LRP1B: variants seen among roughly 807,000 people sequenced by gnomAD.
The protein encoded by LRP1B is LDL receptor related protein 1B.
In LRP1B, 217 loss-of-function variants were observed where a neutral mutation model predicts 556.6. That is an observed-to-expected ratio of 0.39 (90% CI 0.35 to 0.44). LRP1B has a LOEUF of 0.44. Among genes scored for constraint, LRP1B ranks in the 20% least tolerant of loss-of-function variants. The pLI is 1.00. For missense variants in LRP1B, 5,053 were observed against 5,620.8 expected (o/e 0.90, Z 3.23); for synonymous variants, 2,047 against 1,865.8 (o/e 1.10, Z -2.50).
intron 7 of LRP1B, among the ~76,000 whole-genome samples, chr2:141,159,838 C>A (rs180701354): frequency 6.6e-6 from 1 of 152,090 alleles, no homozygotes; most frequent in African/African-American, 2.4e-5. Context: ...TCATGTCCTT[C>A]GCAGGGACAT....
rs566773040 is a variant in LRP1B at position 141,704,003 on chromosome 2, A to T, written c.205+106276T>A. Among the ~76,000 whole-genome samples, 5 of 151,994 alleles carry T rather than the reference A, an allele frequency of 3.3e-5. No individual in the cohort carries two copies. The East Asian group carries it at 9.7e-4, about 30-fold the overall frequency. On this transcript the variant is annotated intron_variant, in intron 2 of 90. Transcript: ENST00000389484. The stretch of plus-strand genomic sequence containing the variant: ...TTTTGCTGATTTCTTGCCACCTCCC[A>T]GGTCTCCAGTGATTCTGATGAGAGA...
intron 86 of LRP1B, among the ~76,000 whole-genome samples, chr2:140,257,089 A>T (rs1451969299): frequency 6.6e-6 from 1 of 152,100 alleles, no homozygotes; most frequent in South Asian, 2.1e-4. Context: ...TTCTTAAGCA[A>T]ATTTTGCTGG....
At chr2:141,834,835 A>G (rs1697219720) in intron 1 of LRP1B, among the ~76,000 whole-genome samples, 1 of 151,982 alleles carries the variant, frequency 6.6e-6, no homozygotes, top group African/African-American at 2.4e-5. Flanking sequence ...TCAAGAAGCA[A>G]TGTAGAATGA....
At chr2:142,067,238 C>T (rs760304709) in intron 1 of LRP1B, among the ~76,000 whole-genome samples, 1 of 151,450 alleles carries the variant, frequency 6.6e-6, no homozygotes, top group Non-Finnish European at 1.5e-5. Flanking sequence ...ATAATATCTG[C>T]AAAGTCCTTC....
chr2:141,589,398 T>G (rs745452829), intron 2 of LRP1B, among the ~76,000 whole-genome samples: 3 of 152,168 alleles, frequency 2.0e-5, no homozygotes, highest in Non-Finnish European at 4.4e-5. Context: ...CTGTTTGCCT[T>G]TATTGTGTTT....
Position 140,994,153 on chromosome 2 carries a change from C to A in LRP1B, c.2504-18G>T, listed in dbSNP as rs1697173131. ...AGGATTAACTAGAGTTAAAAAAACC[C>A]AAGGTATATGAATAATGCTAGCTAC... On this transcript the variant is annotated intron_variant, in intron 15 of 90. Transcript: ENST00000389484. The A allele has an allele frequency of 6.2e-7, 1 of 1,608,224 alleles. No individual in the cohort carries two copies. Among genetic ancestry groups the A allele is most frequent in the South Asian group, 1.1e-5 (1 of 90,808 alleles).
At chr2:141,076,100 A>C (rs1699779042) in intron 7 of LRP1B, among the ~76,000 whole-genome samples, 1 of 152,190 alleles carries the variant, frequency 6.6e-6, no homozygotes, top group Admixed American at 6.5e-5. Flanking sequence ...GTAAAGCAAT[A>C]CTTTCTTTAT....
intron 41 of LRP1B, among the ~76,000 whole-genome samples, chr2:140,685,610 T>C (rs1228330920): frequency 6.6e-6 from 1 of 152,176 alleles, no homozygotes; most frequent in Non-Finnish European, 1.5e-5. Context: ...TTCCCTTCCC[T>C]GACGAACAGT....
intron 18 of LRP1B, among the ~76,000 whole-genome samples, chr2:140,979,068 T>A (rs1182750009): frequency 6.6e-6 from 1 of 152,088 alleles, no homozygotes; most frequent in Non-Finnish European, 1.5e-5. Flanking sequence ...AATCTCTGCC[T>A]CCCAGATTCA....
intron 1 of LRP1B, among the ~76,000 whole-genome samples, chr2:141,883,132 C>A (rs1167881918): frequency 1.3e-5 from 2 of 152,026 alleles, no homozygotes; most frequent in Admixed American, 6.6e-5. Flanking sequence ...TCACTTAGTC[C>A]AACAGTGCCA....
chr2:140,980,613 A>G (rs1381117482), intron 18 of LRP1B, among the ~76,000 whole-genome samples: 1 of 152,192 alleles, frequency 6.6e-6, no homozygotes, highest in Non-Finnish European at 1.5e-5. Context: ...AGCACAAGAA[A>G]ATTTTAGGTA....
chr2:141,741,508 T>C (rs959627583), intron 2 of LRP1B, among the ~76,000 whole-genome samples: 1 of 146,520 alleles, frequency 6.8e-6, no homozygotes, highest in Non-Finnish European at 1.5e-5. Context: ...TGGTGAGATA[T>C]CTTATTGTAG....
At chr2:141,869,815 C>T (rs943599748) in intron 1 of LRP1B, among the ~76,000 whole-genome samples, 4 of 152,098 alleles carry the variant, frequency 2.6e-5, no homozygotes, top group African/African-American at 9.6e-5. Context: ...TCCCAATTCT[C>T]AAATTCCCAA....
intron 1 of LRP1B, among the ~76,000 whole-genome samples, chr2:141,962,997 T>G (rs1400370605): frequency 6.6e-6 from 1 of 151,896 alleles, no homozygotes; most frequent in East Asian, 1.9e-4. Flanking sequence ...TTCATACTTT[T>G]TTTAATCTAA....
intron 2 of LRP1B, among the ~76,000 whole-genome samples, chr2:141,667,128 T>G (rs990438003): frequency 6.6e-6 from 1 of 152,180 alleles, no homozygotes; most frequent in Non-Finnish European, 1.5e-5. Flanking sequence ...CTGAAGCACT[T>G]AACCCAATTT....
chr2:140,840,704 T>C (rs568931415), intron 30 of LRP1B, among the ~76,000 whole-genome samples: 1 of 152,318 alleles, frequency 6.6e-6, no homozygotes, highest in African/African-American at 2.4e-5. Flanking sequence ...AGATCTTACA[T>C]ATGTCACAGA....
In LRP1B at chr2:140,545,805, G is replaced by A. The variant is rs1680311235; in HGVS notation, c.7195-3834C>T. Among the ~76,000 whole-genome samples the A allele has an allele frequency of 2.0e-5, 3 of 151,990 alleles. No individual in the cohort carries two copies. The East Asian group carries it at 5.8e-4, about 29-fold the overall frequency. On this transcript the variant is annotated intron_variant, in intron 43 of 90. Transcript: ENST00000389484. ...TTCTAGCTCTAGGAAGAATTTCAAT[G>A]GTAGTTTAACCAGAATAGTATTTAA...
intron 2 of LRP1B, among the ~76,000 whole-genome samples, chr2:141,514,142 C>T (rs1684226063): frequency 6.6e-6 from 1 of 152,114 alleles, no homozygotes; most frequent in South Asian, 2.1e-4. Flanking sequence ...TGACTTGCTC[C>T]ACTGACCCCC....
chr2:140,346,809 A>G (rs1301344583), intron 77 of LRP1B, among the ~76,000 whole-genome samples: 1 of 151,996 alleles, frequency 6.6e-6, no homozygotes, highest in Non-Finnish European at 1.5e-5. Flanking sequence ...ATTAAGAGTA[A>G]CTTAAATAGA....
Sources: allele counts gnomAD v4.1 joint callset (sites outside exome capture counted in the v4.1 genomes callset), GRCh38; gene constraint gnomAD v4.1.1; transcripts MANE v1.5; gene names NCBI Gene and HGNC (gene_info 2026-07-23, HGNC 2026-07-21).